Variants in IFNAR2 observed in about 807,000 individuals in gnomAD.
IFNAR2 encodes interferon alpha and beta receptor subunit 2.
IFNAR2 carries 30 observed loss-of-function variants against 49.4 expected under a neutral mutation model. The ratio of observed to expected loss-of-function variants is 0.61; its 90% CI spans 0.45 to 0.82. The LOEUF (loss-of-function observed/expected upper bound fraction) is 0.82. Ranked by LOEUF, IFNAR2 falls within the 40% of genes least tolerant of loss-of-function variation. The pLI, the probability that IFNAR2 is intolerant of heterozygous loss-of-function variation, is 0.00. For missense variants in IFNAR2, 600 were observed against 622.7 expected (o/e 0.96, Z 0.39); for synonymous variants, 224 against 234.5 (o/e 0.96, Z 0.41).
chr21:33,235,978 G>T (rs992658741), intron 1 of IFNAR2, among the ~76,000 whole-genome samples: 1 of 152,086 alleles, frequency 6.6e-6, no homozygotes. Flanking sequence ...TTATTAGCAT[G>T]AATATTGCAG....
At chr21:33,241,405 A>G (rs755316843) in intron 1 of IFNAR2, among the ~76,000 whole-genome samples, 3 of 152,216 alleles carry the variant, frequency 2.0e-5, no homozygotes, top group Admixed American at 6.5e-5. Context: ...TGGTGTGTCT[A>G]TAGAGTAGAA....
chr21:33,262,134 AGGCAG>A (rs1228209072), intron 8 of IFNAR2, among the ~76,000 whole-genome samples: 2 of 152,158 alleles, frequency 1.3e-5, no homozygotes, highest in Non-Finnish European at 2.9e-5. Flanking sequence ...CGGGAGGCCA[AGGCAG>A]GTAGATCACG....
intron 8 of IFNAR2, chr21:33,262,452 T>C (rs1988666161): frequency 8.2e-6 from 5 of 608,532 alleles, no homozygotes; most frequent in South Asian, 2.0e-5. Context: ...CCAAGAGTCA[T>C]GCCCAGCATA....
intron 5 of IFNAR2, 123 bp downstream of exon 5, chr21:33,247,013 C>T (rs1449928371): frequency 1.1e-5 from 8 of 704,534 alleles, no homozygotes; most frequent in Middle Eastern, 5.0e-4. Flanking sequence ...CCTCTTGGCC[C>T]TGCCACTTCC....
At chr21:33,252,567 C>T (rs1987929535) in intron 6 of IFNAR2, 95 bp from the exon 7 acceptor site, 2 of 1,491,164 alleles carry the variant, frequency 1.3e-6, no homozygotes, top group African/African-American at 2.8e-5. Context: ...ATAAATCTAA[C>T]CCTGTTTGAG....
intron 7 of IFNAR2, among the ~76,000 whole-genome samples, chr21:33,257,802 G>C (rs1988308605): frequency 1.3e-5 from 2 of 151,710 alleles, no homozygotes; most frequent in Non-Finnish European, 2.9e-5. Context: ...TAGTGGGTGT[G>C]CACTGACTGG....
intron 1 of IFNAR2, among the ~76,000 whole-genome samples, chr21:33,235,653 A>G (rs1048653831): frequency 1.3e-5 from 2 of 152,170 alleles, no homozygotes; most frequent in Non-Finnish European, 2.9e-5. Flanking sequence ...TAGGCCGGGC[A>G]TGGTGGCTAA....
chr21:33,241,168 C>T (rs1428748767), intron 1 of IFNAR2, among the ~76,000 whole-genome samples: 1 of 152,162 alleles, frequency 6.6e-6, no homozygotes, highest in African/African-American at 2.4e-5. Flanking sequence ...TCTAACAAAA[C>T]TGCACTTGTA....
rs1256240256 is a variant in IFNAR2, at chr21:33,262,956, G to A, written c.1004G>A (p.Gly335Asp). ...DTEAAPRTSG[G>D]GYTMHGLTVR... is the part of the protein sequence containing the mutation. The stretch of plus-strand genomic sequence containing the variant: ...GAGGCAGCGCCCAGGACAAGTGGCG[G>A]TGGCTATACCATGCATGGACTGACT... Residue 335 changes from glycine (G) to aspartate (D), a missense_variant, in exon 9 of 9, where the codon GGT becomes GAT. Transcript: ENST00000342136. 1 of 1,614,192 alleles carries A rather than the reference G, an allele frequency of 6.2e-7. No homozygotes were observed.
Position 33,264,604 on chromosome 21 carries a change from G to A in IFNAR2, c.*1104G>A, listed in dbSNP as rs1332064990. On this transcript the variant is annotated 3_prime_UTR_variant, in exon 9 of 9. Coordinates refer to ENST00000342136, the MANE Select transcript of IFNAR2 (RefSeq NM_001289125.3). The stretch of plus-strand genomic sequence containing the variant: ...CAGGGACCCTATTTGACAATTTTCA[G>A]AGTGCTCTCTATGCTGATTCCGAGT... 3.3e-5 allele frequency: 5 copies of A among 151,826 alleles called. No individual in the cohort carries two copies. Among genetic ancestry groups the A allele is most frequent in the Middle Eastern group, 6.8e-3 (2 of 294 alleles). 9.4% of individuals were successfully genotyped at this position (151,826 alleles called of 1,614,324 possible).
In IFNAR2 at chr21:33,245,068, T is replaced by C. The variant is rs368474204; in HGVS notation, c.215T>C (p.Ile72Thr). Residue 72 changes from isoleucine to threonine, a missense_variant, in exon 4 of 9, where the codon ATC becomes ACC. By Grantham distance (89) the Ile-to-Thr change is moderately conservative. Transcript: ENST00000342136. ...VPTHYTLLYT[I>T]MSKPEDLKVV... The stretch of plus-strand genomic sequence containing the variant: ...ACTCACTATACATTGCTGTATACAA[T>C]CATGAGGTTGGTTTGATATTTCATT... 1.3e-5 allele frequency: 21 copies of C among 1,607,786 alleles called. No homozygotes were observed. Among genetic ancestry groups the C allele is most frequent in the Non-Finnish European group, 1.8e-5 (21 of 1,174,330 alleles).
At chr21:33,262,741 G>C (rs1278383106) in intron 8 of IFNAR2, 52 bp from the exon 9 acceptor site, 1 of 1,588,300 alleles carries the variant, frequency 6.3e-7, no homozygotes, top group East Asian at 2.3e-5. Flanking sequence ...AAAATAAAGA[G>C]CAAACAGTAC....
intron 6 of IFNAR2, among the ~76,000 whole-genome samples, chr21:33,250,927 T>C (rs533640185): frequency 7.9e-5 from 12 of 152,276 alleles, no homozygotes; most frequent in East Asian, 7.7e-4. Context: ...GAGGGTTAGA[T>C]AGGGTTAGAG....
chr21:33,238,352 G>C (rs889970766), intron 1 of IFNAR2, among the ~76,000 whole-genome samples: 1 of 152,116 alleles, frequency 6.6e-6, no homozygotes, highest in African/African-American at 2.4e-5. Flanking sequence ...TATGTCACCA[G>C]CCACAGACAG....
chr21:33,241,968 G>A lies in IFNAR2; in HGVS notation c.46G>A (p.Val16Ile), dbSNP rs1040634145. 6.2e-7 allele frequency: 1 copy of A among 1,612,502 alleles called. No individual in the cohort carries two copies. ...CTTCATCTTCAGATCACTTAATTTG[G>A]TTCTCATGGGTAAGTGCTGCTTTTT... ...NAFIFRSLNL[V>I]LMVYISLVFG... The change falls in exon 2 of 9, where the codon GTT becomes ATT. Residue 16 changes from valine (V) to isoleucine (I), a missense_variant. Coordinates refer to ENST00000342136, the MANE Select transcript of IFNAR2 (RefSeq NM_001289125.3).
chr21:33,236,649 G>C (rs9974669), intron 1 of IFNAR2: 238,461 of 978,292 alleles, frequency 0.24, 29,740 homozygotes, highest in Non-Finnish European at 0.25. Context: ...CAGTTGTTAG[G>C]CATAGAGATT....
At chr21:33,252,081 C>CATCTATCT (rs61192253) in intron 6 of IFNAR2, 27,168 of 380,570 alleles carry the variant, frequency 0.071, 1,475 homozygotes, top group African/African-American at 0.19. Flanking sequence ...AGACCCCATC[C>CATCTATCT]ATCTATCTAT....
In IFNAR2 at chr21:33,264,468, A is replaced by G. The variant is rs993355307; in HGVS notation, c.*968A>G. ...TGTGTGACTAATACAGAAAGGAAAC[A>G]TGGCGTCGGGGAGAGGGATAAAACC... On this transcript the variant is annotated 3_prime_UTR_variant, in exon 9 of 9. Transcript: ENST00000342136. The G allele has an allele frequency of 6.6e-6, 1 of 151,988 alleles. No homozygotes were observed. Among genetic ancestry groups the G allele is most frequent in the East Asian group, 1.9e-4 (1 of 5,194 alleles). The allele number at this position is 151,988 out of a possible 1,614,324, so 9.4% of individuals were successfully genotyped here.
intron 1 of IFNAR2, among the ~76,000 whole-genome samples, chr21:33,238,290 A>G (rs982045435): frequency 6.6e-6 from 1 of 152,122 alleles, no homozygotes; most frequent in Non-Finnish European, 1.5e-5. Flanking sequence ...TACTTTCTCT[A>G]ATAAATCTGC....
Sources: allele counts gnomAD v4.1 joint callset (sites outside exome capture counted in the v4.1 genomes callset), GRCh38; gene constraint gnomAD v4.1.1; transcripts MANE v1.5; gene names NCBI Gene and HGNC (gene_info 2026-07-23, HGNC 2026-07-21).